MTHFD1L: variants seen among roughly 807,000 people sequenced by gnomAD.
The protein encoded by MTHFD1L is methylenetetrahydrofolate dehydrogenase (NADP+ dependent) 1 like.
A neutral mutation model predicts 119.5 loss-of-function variants in MTHFD1L; 81 were observed. The ratio of observed to expected loss-of-function variants is 0.68; its 90% confidence interval spans 0.57 to 0.82. The LOEUF is 0.82. MTHFD1L is among the 40% of genes least tolerant of loss of function. The probability of loss-of-function intolerance (pLI) is 0.00; values close to 1 mark genes in which losing one functional copy is unlikely to be tolerated. For synonymous variants in MTHFD1L, 430 were observed against 475.2 expected (o/e 0.90, Z 1.24); for missense variants, 1,125 against 1,253.4 (o/e 0.90, Z 1.55).
In MTHFD1L at chr6:151,049,687, G is replaced by A. The variant is rs191458031; in HGVS notation, c.2847+12570G>A. On this transcript the variant is annotated intron_variant, in intron 26 of 27. Coordinates refer to ENST00000367321, the MANE Select transcript of MTHFD1L (RefSeq NM_015440.5). The stretch of plus-strand genomic sequence containing the variant: ...AAAAAAAAAAAAAAAAAATGGGTTC[G>A]CATGAGCCCCCTCCTTGGGTTCAAT... Among the ~76,000 whole-genome samples the A allele has an allele frequency of 8.6e-5, 13 of 150,530 alleles. No individual in the cohort carries two copies. The East Asian group carries it at 1.6e-3, about 18-fold the overall frequency.
Position 150,923,165 on chromosome 6 carries a change from G to A in MTHFD1L, c.1082+863G>A, listed in dbSNP as rs367967542. On this transcript the variant is annotated intron_variant, in intron 10 of 27. Coordinates refer to ENST00000367321, the MANE Select transcript of MTHFD1L (RefSeq NM_015440.5). The stretch of plus-strand genomic sequence containing the variant: ...AACTGAGCTCAGCTTTCTTCAGAAC[G>A]ATCTGATAGAATAGTCTGTGCTCGT... Among the ~76,000 whole-genome samples, 19 of 152,304 alleles carry A rather than the reference G, an allele frequency of 1.2e-4. 1 individual carries two copies. Among genetic ancestry groups the A allele is most frequent in the East Asian group, 1.2e-3 (6 of 5,190 alleles).
intron 9 of MTHFD1L, among the ~76,000 whole-genome samples, chr6:150,919,474 C>A (rs1788541847): frequency 1.3e-5 from 2 of 152,126 alleles, no homozygotes; most frequent in African/African-American, 2.4e-5. Flanking sequence ...ATCCACCCGC[C>A]TTGGCCTCCC....
chr6:151,034,657 T>G (rs1785874570), intron 25 of MTHFD1L, 57 bp downstream of exon 25: 1 of 1,087,756 alleles, frequency 9.2e-7, no homozygotes. Context: ...CTCAGAATAC[T>G]CAGCTTGACT....
At chr6:150,888,025 G>A (rs916265135) in intron 7 of MTHFD1L, 44 bp downstream of exon 7, 2 of 1,541,166 alleles carry the variant, frequency 1.3e-6, no homozygotes, top group Non-Finnish European at 1.7e-6. Flanking sequence ...GCTTCTGTTA[G>A]AACAGAAGAA....
intron 8 of MTHFD1L, among the ~76,000 whole-genome samples, chr6:150,914,685 A>G (rs562971388): frequency 6.6e-6 from 1 of 152,336 alleles, no homozygotes; most frequent in South Asian, 2.1e-4. Flanking sequence ...TCAGAAAGCA[A>G]CACTGTATGT....
intron 7 of MTHFD1L, among the ~76,000 whole-genome samples, chr6:150,903,872 C>T (rs1785465766): frequency 6.6e-6 from 1 of 152,212 alleles, no homozygotes; most frequent in Admixed American, 6.5e-5. Flanking sequence ...ACACTTTTCC[C>T]TATTTACATG....
chr6:151,092,460 C>T lies in MTHFD1L; in HGVS notation c.2848-7C>T. The T allele has an allele frequency of 6.2e-7, 1 of 1,607,054 alleles. No individual in the cohort carries two copies. Among genetic ancestry groups the T allele is most frequent in the Non-Finnish European group, 8.5e-7 (1 of 1,177,678 alleles). On this transcript the variant is annotated splice_polypyrimidine_tract_variant and splice_region_variant and intron_variant, in intron 26 of 27. Transcript: ENST00000367321. ...GCTAATCTGTAACGCTTGGTTTTCT[C>T]CCCCAGATGAGCACCATGCCAGGAC...
chr6:151,075,479 G>A (rs1792393576), intron 26 of MTHFD1L, among the ~76,000 whole-genome samples: 1 of 151,584 alleles, frequency 6.6e-6, no homozygotes, highest in African/African-American at 2.4e-5. Flanking sequence ...TAATAACAGA[G>A]CATCAACATA....
At chr6:150,985,904 A>C (rs1246540879) in intron 20 of MTHFD1L, among the ~76,000 whole-genome samples, 1 of 152,182 alleles carries the variant, frequency 6.6e-6, no homozygotes, top group Non-Finnish European at 1.5e-5. Flanking sequence ...GTCGACAAAC[A>C]ATGCAGAGAA....
At chr6:150,935,972 A>G (rs925699797) in intron 11 of MTHFD1L, among the ~76,000 whole-genome samples, 5 of 152,222 alleles carry the variant, frequency 3.3e-5, no homozygotes, top group Non-Finnish European at 5.9e-5. Context: ...GCTCTCTTCA[A>G]TACCTAATAC....
chr6:150,923,549 T>C (rs1377554127), intron 10 of MTHFD1L, among the ~76,000 whole-genome samples: 34 of 67,312 alleles, frequency 5.1e-4, no homozygotes, highest in Middle Eastern at 6.3e-3. Context: ...TTTTTCTTTT[T>C]TTTTTTTTTT....
At chr6:150,982,358 G>A (rs996763293) in intron 20 of MTHFD1L, among the ~76,000 whole-genome samples, 4 of 152,048 alleles carry the variant, frequency 2.6e-5, no homozygotes, top group African/African-American at 9.7e-5. Flanking sequence ...ATTTCTCTAT[G>A]TCACTGTGAT....
intron 8 of MTHFD1L, 139 bp from the exon 9 acceptor site, chr6:150,918,438 T>C (rs2128886986): frequency 4.5e-6 from 3 of 668,690 alleles, no homozygotes; most frequent in South Asian, 1.8e-5. Flanking sequence ...AGGTGACCAG[T>C]CTGCAGCCGT....
chr6:150,952,992 G>A (rs985162119), intron 16 of MTHFD1L, among the ~76,000 whole-genome samples: 1 of 152,110 alleles, frequency 6.6e-6, no homozygotes, highest in African/African-American at 2.4e-5. Context: ...GCACAGATGA[G>A]CCTCTGCCTG....
intron 17 of MTHFD1L, among the ~76,000 whole-genome samples, chr6:150,958,049 A>G (rs747899418): frequency 4.6e-5 from 7 of 152,166 alleles, no homozygotes; most frequent in Non-Finnish European, 1.0e-4. Flanking sequence ...GTTCCATTAC[A>G]TATATTAGCA....
chr6:150,960,553 C>G (rs148757476), intron 18 of MTHFD1L, 138 bp downstream of exon 18: 2 of 1,200,818 alleles, frequency 1.7e-6, no homozygotes, highest in African/African-American at 3.1e-5. Context: ...ATTTCTTCCC[C>G]GACAAGCATG....
In MTHFD1L at chr6:150,888,033, G is replaced by T. The variant is rs1562320248; in HGVS notation, c.780+52G>T. The T allele has an allele frequency of 3.3e-6, 5 of 1,512,178 alleles. No homozygotes were observed. The East Asian group carries it at 1.2e-4, about 36-fold the overall frequency. 93.7% of individuals were successfully genotyped at this position (1,512,178 alleles called of 1,614,324 possible). Reference sequence around the variant, plus strand: ...CTTGAAGGCTTCTGTTAGAACAGAAGAAAGTCTAGAAATGTATAAGCTAAG... The same window carrying T: ...CTTGAAGGCTTCTGTTAGAACAGAATAAAGTCTAGAAATGTATAAGCTAAG... On this transcript the variant is annotated intron_variant, in intron 7 of 27. Transcript: ENST00000367321.
chr6:150,917,509 T>A (rs546441922), intron 8 of MTHFD1L, among the ~76,000 whole-genome samples: 159 of 129,686 alleles, frequency 1.2e-3, no homozygotes, highest in African/African-American at 3.8e-3. Flanking sequence ...AAAAAAAAAT[T>A]TTTTTAGATC....
Position 150,922,149 on chromosome 6 carries a change from T to C in MTHFD1L, c.985-56T>C, listed in dbSNP as rs1789058972. Reference sequence around the variant, plus strand: ...AAACAATATTTCCATGGTTTAAGTGTGTGCCCTGTCAGCTTTTACCATTCT... The same window carrying C: ...AAACAATATTTCCATGGTTTAAGTGCGTGCCCTGTCAGCTTTTACCATTCT... On this transcript the variant is annotated intron_variant, in intron 9 of 27. Transcript: ENST00000367321. The C allele has an allele frequency of 3.2e-6, 4 of 1,261,822 alleles. No homozygotes were observed. In the South Asian group the frequency reaches 3.7e-5, roughly 12 times the overall value. The allele number at this position is 1,261,822 out of a possible 1,614,324, so 78.2% of individuals were successfully genotyped here. A position where few individuals can be genotyped will look rare whatever the true frequency, so the allele number is the denominator to read the frequency against.
Sources: allele counts gnomAD v4.1 joint callset (sites outside exome capture counted in the v4.1 genomes callset), GRCh38; gene constraint gnomAD v4.1.1; transcripts MANE v1.5; gene names NCBI Gene and HGNC (gene_info 2026-07-23, HGNC 2026-07-21).